RASSF3: variants seen among roughly 807,000 people sequenced by gnomAD.
RASSF3 encodes Ras association domain family member 3, also known as ras association domain-containing protein 3.
In RASSF3, 19 loss-of-function variants were observed where a neutral mutation model predicts 19.9. That is an observed-to-expected ratio of 0.96 (90% CI 0.67 to 1.40). The LOEUF is 1.40. Among genes scored for constraint, RASSF3 ranks in the 40% most tolerant of loss-of-function variants. The probability of loss-of-function intolerance (pLI) is 0.00; values close to 1 mark genes in which losing one functional copy is unlikely to be tolerated. For missense variants in RASSF3, 306 were observed against 289.8 expected (o/e 1.06, Z -0.41); for synonymous variants, 110 against 104.2 (o/e 1.06, Z -0.34).
chr12:64,544,542 G>A (rs1473539952), downstream of RASSF3, among the ~76,000 whole-genome samples: 1 of 151,958 alleles, frequency 6.6e-6, no homozygotes, highest in Non-Finnish European at 1.5e-5. Context: ...ACTTGAGCTG[G>A]CAAGGTTAAG....
intron 1 of RASSF3, among the ~76,000 whole-genome samples, chr12:64,647,721 A>AT (rs1297377931): frequency 1.6e-4 from 24 of 148,052 alleles, no homozygotes; most frequent in South Asian, 4.3e-4. Context: ...CCGGCCTTGT[A>AT]TTTTTTTTTA....
chr12:64,610,022 C>A (rs1486907171), upstream of RASSF3, among the ~76,000 whole-genome samples: 1 of 152,134 alleles, frequency 6.6e-6, no homozygotes, highest in Non-Finnish European at 1.5e-5. Flanking sequence ...GGCGTTGCGG[C>A]TGCAGGAAGC....
intron 2 of RASSF3, among the ~76,000 whole-genome samples, chr12:64,595,743 C>T (rs1459892907): frequency 6.6e-6 from 1 of 152,102 alleles, no homozygotes; most frequent in Admixed American, 6.6e-5. Context: ...TATTAGGGCT[C>T]ATAAAACAAT....
intron 1 of RASSF3, among the ~76,000 whole-genome samples, chr12:64,621,965 G>A (rs943757534): frequency 2.0e-5 from 3 of 151,994 alleles, no homozygotes; most frequent in African/African-American, 7.2e-5. Context: ...TAAAAAAAAG[G>A]GTGACTAGAA....
At chr12:64,515,573 C>CA (rs1868358543) in intron 1 of RASSF3, 2 of 152,182 alleles carry the variant, frequency 1.3e-5, no homozygotes, top group African/African-American at 4.8e-5. Context: ...TTTAATCCTT[C>CA]ACTGTAGTGG....
At chr12:64,567,192 G>GGCA (rs1869446328) in intron 2 of RASSF3, among the ~76,000 whole-genome samples, 1 of 152,176 alleles carries the variant, frequency 6.6e-6, no homozygotes, top group Non-Finnish European at 1.5e-5. Flanking sequence ...GAGGCCCTGG[G>GGCA]TGACATTTTG....
chr12:64,642,037 C>T lies in RASSF3; in HGVS notation c.111+31294C>T, dbSNP rs1038308165. Among the ~76,000 whole-genome samples the T allele has an allele frequency of 7.2e-5, 11 of 152,036 alleles. No individual in the cohort carries two copies. The South Asian group carries it at 1.5e-3, about 20-fold the overall frequency. On this transcript the variant is annotated intron_variant, in intron 1 of 4. Transcript: ENST00000542104. ...GATTACAGGCGTGAGCCACCGTGCT[C>T]GGCCTGTGATTCTGATTTCTATATA...
intron 1 of RASSF3, among the ~76,000 whole-genome samples, chr12:64,631,498 A>G (rs1208898420): frequency 6.6e-6 from 1 of 152,076 alleles, no homozygotes; most frequent in Non-Finnish European, 1.5e-5. Flanking sequence ...GGAGCCTACA[A>G]GGGCGAGGGA....
At chr12:64,619,813 CTACTAAAAA>C (rs1870683651) in intron 1 of RASSF3, among the ~76,000 whole-genome samples, 1 of 151,892 alleles carries the variant, frequency 6.6e-6, no homozygotes, top group East Asian at 1.9e-4. Context: ...AACCCCGTCT[CTACTAAAAA>C]TACAAAAATT....
At chr12:64,509,332 C>A (rs1868313273) in intron 1 of RASSF3, among the ~76,000 whole-genome samples, 1 of 152,110 alleles carries the variant, frequency 6.6e-6, no homozygotes, top group African/African-American at 2.4e-5. Context: ...TGCCTATAAT[C>A]CCAGCTACTT....
chr12:64,571,421 C>T lies in RASSF3; in HGVS notation c.294+29716C>T, dbSNP rs529567546. ...AGGAAACGAGAACATGATCCTCAAA[C>T]CCACACCAGTGAGCACAATCAGGAA... is the stretch of plus-strand genomic sequence containing the variant. On this transcript the variant is annotated intron_variant, in intron 2 of 5. Coordinates refer to the RASSF3 transcript ENST00000637125. Among the ~76,000 whole-genome samples the T allele has an allele frequency of 3.3e-5, 5 of 152,182 alleles. No individual in the cohort carries two copies. In the South Asian group the frequency reaches 1.0e-3, roughly 32 times the overall value.
chr12:64,592,177 A>G (rs2136141057), intron 2 of RASSF3, among the ~76,000 whole-genome samples: 1 of 152,348 alleles, frequency 6.6e-6, no homozygotes, highest in South Asian at 2.1e-4. Context: ...CTGGGATTAC[A>G]GGCATGAGCC....
intron 2 of RASSF3, among the ~76,000 whole-genome samples, chr12:64,593,852 A>C (rs930107358): frequency 6.6e-5 from 10 of 151,906 alleles, no homozygotes; most frequent in Non-Finnish European, 1.2e-4. Flanking sequence ...TCTCTACTAA[A>C]AATACAAAAA....
chr12:64,610,786 T>C, intron 1 of RASSF3, 43 bp downstream of exon 1: 1 of 1,376,144 alleles, frequency 7.3e-7, no homozygotes, highest in Non-Finnish European at 1.0e-6. Context: ...GCCCCAGAGT[T>C]CCGGGGAACC....
At chr12:64,690,963 T>C (rs2620717) in intron 3 of RASSF3, among the ~76,000 whole-genome samples, 56,976 of 151,678 alleles carry the variant, frequency 0.38, 11,613 homozygotes, top group Middle Eastern at 0.5. Context: ...CAGGTTTGAG[T>C]GATTCTCCTG....
intron 1 of RASSF3, among the ~76,000 whole-genome samples, chr12:64,633,510 ACCTCCTGAGGT>A (rs149177544): frequency 0.025 from 3,780 of 150,566 alleles, 165 homozygotes; most frequent in African/African-American, 0.088. Flanking sequence ...TTTTCCTTTC[ACCTCCTGAGGT>A]CCTCCTGAGG....
rs1868351553 is a variant in RASSF3 at position 64,696,007 on chromosome 12, C to T, written c.*1095C>T. 1 of 151,840 alleles carries T rather than the reference C, an allele frequency of 6.6e-6. No homozygotes were observed. The highest frequency in any genetic ancestry group is 1.5e-5 in the Non-Finnish European group (1 of 67,992). The allele number at this position is 151,840 out of a possible 1,614,324, so 9.4% of individuals were successfully genotyped here. ...ACTTTGGTGACAATCACTCTCTTCC[C>T]TTTTATTCCTCCTTTCCTTTTCCTT... is the stretch of plus-strand genomic sequence containing the variant. On this transcript the variant is annotated 3_prime_UTR_variant, in exon 5 of 5. Transcript: ENST00000542104.
intron 2 of RASSF3, among the ~76,000 whole-genome samples, chr12:64,588,686 G>T (rs1289663276): frequency 6.6e-6 from 1 of 151,838 alleles, no homozygotes; most frequent in Non-Finnish European, 1.5e-5. Context: ...ATTTCCATCT[G>T]GCCTTTTCTC....
At chr12:64,684,924 CA>C (rs778299194) in intron 2 of RASSF3, 30 bp downstream of exon 2, 1 of 1,269,654 alleles carries the variant, frequency 7.9e-7, no homozygotes, top group Admixed American at 1.7e-5. Context: ...TTTAGGTTGA[CA>C]CCTGTCAAAA....
Sources: gnomAD v4.1 joint callset for allele counts (sites outside exome capture counted in the v4.1 genomes callset) on GRCh38, gnomAD v4.1.1 for gene constraint, MANE v1.5 for transcripts, NCBI Gene and HGNC (gene_info 2026-07-23, HGNC 2026-07-21) for gene names.